Variants in UPF3A observed in about 807,000 individuals in gnomAD.
UPF3A encodes the protein UPF3A regulator of nonsense mediated mRNA decay, also known as regulator of nonsense transcripts 3A.
In UPF3A, 42 loss-of-function variants were observed where a neutral mutation model predicts 53.5. That is an observed-to-expected ratio of 0.78 (90% confidence interval 0.61 to 1.01). UPF3A has a LOEUF of 1.01. Ranked by LOEUF, UPF3A falls within the 50% of genes least tolerant of loss-of-function variation. The probability of loss-of-function intolerance (pLI) is 0.00; values close to 1 mark genes in which losing one functional copy is unlikely to be tolerated. For synonymous variants in UPF3A, 237 were observed against 225.3 expected (o/e 1.05, Z -0.47); for missense variants, 575 against 598.0 (o/e 0.96, Z 0.40).
chr13:114,291,940 C>T (rs2085312953), intron 7 of UPF3A, 148 bp downstream of exon 7: 1 of 1,141,520 alleles, frequency 8.8e-7, no homozygotes, highest in Non-Finnish European at 1.2e-6. Context: ...TTCCATCTTT[C>T]TTTCCATCCT....
At chr13:114,294,769 G>T (rs1215774889) in intron 7 of UPF3A, among the ~76,000 whole-genome samples, 2 of 151,900 alleles carry the variant, frequency 1.3e-5, no homozygotes, top group Non-Finnish European at 2.9e-5. Flanking sequence ...AGGTTGCAGT[G>T]AGCTGAGATC....
At chr13:114,303,321 C>T (rs1427500511) in intron 9 of UPF3A, among the ~76,000 whole-genome samples, 1 of 152,044 alleles carries the variant, frequency 6.6e-6, no homozygotes, top group East Asian at 1.9e-4. Flanking sequence ...CTGGTGTTTC[C>T]CCCGACCTGA....
rs565493179 is a variant in UPF3A at position 114,305,123 on chromosome 13, A to G, written c.*206A>G. The G allele has an allele frequency of 5.4e-5, 30 of 554,848 alleles. No individual in the cohort carries two copies. The African/African-American group carries it at 5.7e-4, about 11-fold the overall frequency. The allele number at this position is 554,848 out of a possible 1,614,324, so 34.4% of individuals were successfully genotyped here. A position where few individuals can be genotyped will look rare whatever the true frequency, so the allele number is the denominator to read the frequency against. ...ATTGAGCAGAATTCTCACAGATTTT[A>G]CCATTCCTGTTATAAACTAGTATTT... On this transcript the variant is annotated 3_prime_UTR_variant, in exon 10 of 10. Coordinates refer to ENST00000375299, the MANE Select transcript of UPF3A (RefSeq NM_023011.4).
chr13:114,296,009 G>T (rs571179977), intron 7 of UPF3A, among the ~76,000 whole-genome samples: 5 of 152,212 alleles, frequency 3.3e-5, no homozygotes, highest in African/African-American at 4.8e-5. Flanking sequence ...CGAGAGGGCA[G>T]AGGGCCTAGA....
At chr13:114,284,805 G>A (rs150316712) in intron 3 of UPF3A, among the ~76,000 whole-genome samples, 5 of 152,252 alleles carry the variant, frequency 3.3e-5, no homozygotes, top group African/African-American at 1.2e-4. Context: ...CCTTGTTTCC[G>A]GTTATCTTTG....
chr13:114,305,007 T>A lies in UPF3A; in HGVS notation c.*90T>A, dbSNP rs780721221. 7.4e-6 allele frequency: 11 copies of A among 1,482,800 alleles called. No homozygotes were observed. The East Asian group carries it at 2.5e-4, about 34-fold the overall frequency. 91.9% of individuals were successfully genotyped at this position (1,482,800 alleles called of 1,614,324 possible). A position where few individuals can be genotyped will look rare whatever the true frequency, so the allele number is the denominator to read the frequency against. ...GAGTGTGACTGGGAAGGAGAACTTA[T>A]TCCTTACCAGGAAACTGGAAGCTAA... On this transcript the variant is annotated 3_prime_UTR_variant, in exon 10 of 10. Transcript: ENST00000375299.
chr13:114,293,957 G>GT (rs1432641012), intron 7 of UPF3A, among the ~76,000 whole-genome samples: 7 of 152,056 alleles, frequency 4.6e-5, no homozygotes, highest in Non-Finnish European at 7.4e-5. Flanking sequence ...CCCTGTTTCT[G>GT]TTTTTTGTAG....
In UPF3A at chr13:114,290,089, A is replaced by G. The variant is rs78530394; in HGVS notation, c.632-1400A>G. 1.9e-3 allele frequency among the ~76,000 whole-genome samples: 293 copies of G among 152,240 alleles called. 6 individuals carry two copies. The East Asian group carries it at 0.043, about 23-fold the overall frequency. On this transcript the variant is annotated intron_variant, in intron 5 of 9. Transcript: ENST00000375299. Reference sequence around the variant, plus strand: ...GTGTGCTGTACTCACCCTGAGCCAGAGTTCATGGTCAGCCCAGGGACCCCT... The same window carrying G: ...GTGTGCTGTACTCACCCTGAGCCAGGGTTCATGGTCAGCCCAGGGACCCCT...
intron 9 of UPF3A, among the ~76,000 whole-genome samples, chr13:114,302,571 T>C (rs1306726055): frequency 1.3e-5 from 2 of 152,136 alleles, no homozygotes; most frequent in Non-Finnish European, 2.9e-5. Flanking sequence ...GGCCCCACCC[T>C]GGCCTCCTAG....
chr13:114,284,383 A>ATGTG (rs35035838), intron 3 of UPF3A, among the ~76,000 whole-genome samples: 54 of 150,472 alleles, frequency 3.6e-4, no homozygotes, highest in African/African-American at 1.1e-3. Flanking sequence ...GTGTATGTAT[A>ATGTG]TGTGTGTGTG....
At position 114,305,612 on chromosome 13, in the gene UPF3A, G is replaced by T. The variant is rs903789314; in HGVS notation, c.*695G>T. 6.5e-6 allele frequency: 1 copy of T among 152,944 alleles called. No homozygotes were observed. Among genetic ancestry groups the T allele is most frequent in the Non-Finnish European group, 1.5e-5 (1 of 68,400 alleles). The allele number at this position is 152,944 out of a possible 1,614,324, so 9.5% of individuals were successfully genotyped here. ...AATTTGCCCAAATAACAGAAATTTT[G>T]TTCGGGAAGGGATAAACTAGATATA... On this transcript the variant is annotated 3_prime_UTR_variant, in exon 10 of 10. Coordinates refer to ENST00000375299, the MANE Select transcript of UPF3A (RefSeq NM_023011.4).
intron 7 of UPF3A, among the ~76,000 whole-genome samples, chr13:114,296,318 G>A (rs976567529): frequency 1.3e-5 from 2 of 152,148 alleles, no homozygotes; most frequent in African/African-American, 4.8e-5. Context: ...AGGAGGCGAA[G>A]GTACAGTGAG....
At chr13:114,282,171 G>A (rs1285992964) in intron 2 of UPF3A, 44 bp downstream of exon 2, 2 of 1,485,678 alleles carry the variant, frequency 1.3e-6, no homozygotes, top group East Asian at 2.5e-5. Flanking sequence ...GGAACCCAGA[G>A]CTCGGCGGCG....
chr13:114,295,262 G>A (rs911955375), intron 7 of UPF3A, among the ~76,000 whole-genome samples: 5 of 152,102 alleles, frequency 3.3e-5, no homozygotes, highest in African/African-American at 1.2e-4. Flanking sequence ...CTGCCCATGC[G>A]CTCCGCTTGG....
At chr13:114,298,052 T>C (rs956383584) in intron 7 of UPF3A, among the ~76,000 whole-genome samples, 1 of 151,452 alleles carries the variant, frequency 6.6e-6, no homozygotes, top group Non-Finnish European at 1.5e-5. Flanking sequence ...CAGAGCCCTT[T>C]AGGTGGTGGT....
At chr13:114,294,659 A>G (rs2085658820) in intron 7 of UPF3A, among the ~76,000 whole-genome samples, 1 of 151,924 alleles carries the variant, frequency 6.6e-6, no homozygotes, top group Non-Finnish European at 1.5e-5. Flanking sequence ...CCCCATGTCT[A>G]CTAAAAATAC....
chr13:114,284,599 T>C (rs2084477898), intron 3 of UPF3A, among the ~76,000 whole-genome samples: 1 of 151,362 alleles, frequency 6.6e-6, no homozygotes, highest in Non-Finnish European at 1.5e-5. Context: ...CTTGGGAGAC[T>C]GAGGCATGAG....
In UPF3A at chr13:114,301,648, C is replaced by T. The variant is rs2086619124; in HGVS notation, c.1008-83C>T. The T allele has an allele frequency of 2.1e-6, 3 of 1,444,842 alleles. No homozygotes were observed. In the Admixed American group the frequency reaches 5.7e-5, roughly 28 times the overall value. The allele number at this position is 1,444,842 out of a possible 1,614,324, so 89.5% of individuals were successfully genotyped here. A position where few individuals can be genotyped will look rare whatever the true frequency, so the allele number is the denominator to read the frequency against. ...AGCACTTCGCATGGGTCCCTGTTGT[C>T]TGGGAACCTGTGGTCTAGAAAGGAG... is the stretch of plus-strand genomic sequence containing the variant. On this transcript the variant is annotated intron_variant, in intron 8 of 9. Coordinates refer to ENST00000375299, the MANE Select transcript of UPF3A (RefSeq NM_023011.4).
At chr13:114,282,379 C>T (rs2084175072) in intron 2 of UPF3A, 1 of 1,206,096 alleles carries the variant, frequency 8.3e-7, no homozygotes, top group East Asian at 3.7e-5. Flanking sequence ...AAGCGGGTGC[C>T]TTTGAAAGGA....
Sources: gnomAD v4.1 joint callset for allele counts (sites outside exome capture counted in the v4.1 genomes callset) on GRCh38, gnomAD v4.1.1 for gene constraint, MANE v1.5 for transcripts, NCBI Gene and HGNC (gene_info 2026-07-23, HGNC 2026-07-21) for gene names.